The following RGS6 variants were observed in gnomAD, a reference collection of about 807,000 sequenced individuals.
RGS6 encodes the protein regulator of G-protein signaling 6.
In RGS6, 30 loss-of-function variants were observed where a neutral mutation model predicts 78.5. That is an observed-to-expected ratio of 0.38 (90% CI 0.29 to 0.52). The LOEUF (loss-of-function observed/expected upper bound fraction) is 0.52. Ranked by LOEUF, RGS6 falls within the 20% of genes least tolerant of loss-of-function variation. RGS6 has a pLI of 0.85. For missense variants in RGS6, 495 were observed against 609.7 expected (o/e 0.81, Z 1.98); for synonymous variants, 206 against 206.0 (o/e 1.00, Z 0.00).
At chr14:71,887,528 G>A in the RGS6 span, among the ~76,000 whole-genome samples, 1 of 152,112 alleles carries the variant, frequency 6.6e-6, no homozygotes, top group African/African-American at 2.4e-5. Context: ...TGCATTCCTG[G>A]GGGGAGGTCT....
At chr14:72,319,513 G>A (rs534005706) in intron 2 of RGS6, among the ~76,000 whole-genome samples, 30 of 152,008 alleles carry the variant, frequency 2.0e-4, no homozygotes, top group East Asian at 1.7e-3. Flanking sequence ...CACCATGCCC[G>A]GCTAATTTTT....
chr14:72,141,888 A>C (rs56407553), intron 2 of RGS6, among the ~76,000 whole-genome samples: 10,721 of 124,486 alleles, frequency 0.086, 450 homozygotes, highest in Non-Finnish European at 0.12. Context: ...TACACATTTT[A>C]CATTAAAAAA....
intron 2 of RGS6, among the ~76,000 whole-genome samples, chr14:72,124,195 T>A (rs1385600863): frequency 1.3e-5 from 2 of 152,202 alleles, no homozygotes; most frequent in African/African-American, 4.8e-5. Flanking sequence ...ACAGTCTCCT[T>A]TGCTTTATTA....
At chr14:72,077,595 T>C (rs1197264362) in intron 2 of RGS6, among the ~76,000 whole-genome samples, 1 of 152,246 alleles carries the variant, frequency 6.6e-6, no homozygotes, top group Non-Finnish European at 1.5e-5. Flanking sequence ...TGTTCTATTT[T>C]GAAGCCCTTT....
intron 3 of RGS6, among the ~76,000 whole-genome samples, chr14:72,401,942 A>T (rs2092446848): frequency 3.3e-5 from 5 of 152,178 alleles, no homozygotes; most frequent in Admixed American, 3.3e-4. Context: ...TAAAAAGAAG[A>T]TTTTAAAAGG....
At chr14:72,000,941 A>G (rs960246982) in intron 2 of RGS6, among the ~76,000 whole-genome samples, 1 of 152,238 alleles carries the variant, frequency 6.6e-6, no homozygotes, top group Non-Finnish European at 1.5e-5. Flanking sequence ...CCAGAAGACC[A>G]CAAAGAACTT....
chr14:72,193,467 C>G (rs1036143936), intron 2 of RGS6, among the ~76,000 whole-genome samples: 1 of 152,204 alleles, frequency 6.6e-6, no homozygotes, highest in Non-Finnish European at 1.5e-5. Flanking sequence ...TTCATTCATT[C>G]AACCCATATT....
At chr14:72,254,786 C>A (rs889393941) in intron 2 of RGS6, among the ~76,000 whole-genome samples, 1 of 152,166 alleles carries the variant, frequency 6.6e-6, no homozygotes, top group African/African-American at 2.4e-5. Flanking sequence ...TGCCAGAGAA[C>A]ATCCAGTCCC....
At chr14:71,953,969 GTTT>G (rs3053026) in intron 1 of RGS6, among the ~76,000 whole-genome samples, 3 of 76,078 alleles carry the variant, frequency 3.9e-5, no homozygotes, top group South Asian at 5.5e-4. Context: ...CTAAGTGGGC[GTTT>G]TTTTTTTTTT....
chr14:72,402,547 C>T (rs1182497612), intron 3 of RGS6, among the ~76,000 whole-genome samples: 2 of 151,978 alleles, frequency 1.3e-5, no homozygotes, highest in Non-Finnish European at 2.9e-5. Flanking sequence ...ATAAAAACCA[C>T]AGTGAGATAT....
intron 3 of RGS6, among the ~76,000 whole-genome samples, chr14:72,445,581 T>G (rs2095343913): frequency 6.6e-6 from 1 of 152,084 alleles, no homozygotes; most frequent in East Asian, 1.9e-4. Flanking sequence ...GGTACTAGAT[T>G]GTGATGATGT....
intron 2 of RGS6, among the ~76,000 whole-genome samples, chr14:72,307,181 G>C (rs1391120122): frequency 1.3e-5 from 2 of 152,188 alleles, no homozygotes; most frequent in African/African-American, 2.4e-5. Context: ...TAGCCATAAA[G>C]TATTTTAAAA....
At chr14:71,895,573 G>T in the RGS6 span, among the ~76,000 whole-genome samples, 1 of 152,212 alleles carries the variant, frequency 6.6e-6, no homozygotes, top group Non-Finnish European at 1.5e-5. Flanking sequence ...GCAACTCCCA[G>T]TGTTGATGAT....
chr14:72,409,737 C>G (rs59515962), intron 3 of RGS6, among the ~76,000 whole-genome samples: 1 of 152,016 alleles, frequency 6.6e-6, no homozygotes, highest in Non-Finnish European at 1.5e-5. Flanking sequence ...CAACAGTCCT[C>G]GGTGTGTGAT....
At position 72,063,865 on chromosome 14, in the gene RGS6, GT is replaced by G. The variant is rs372064175; in HGVS notation, c.84+98991del. The stretch of plus-strand genomic sequence containing the variant: ...AAATAGAATCAAGATCATCAGATGG[GT>G]GTGAGTAAGGGGTCATTTCTAGGAG... On this transcript the variant is annotated intron_variant, in intron 2 of 17. Transcript: ENST00000553525. Among the ~76,000 whole-genome samples, 17 of 152,192 alleles carry G rather than the reference GT, an allele frequency of 1.1e-4. No individual in the cohort carries two copies. In the East Asian group the frequency reaches 3.1e-3, roughly 28 times the overall value.
chr14:72,569,111 G>GGTGTGTGTGTGTGTGTGT (rs35508602), downstream of RGS6, among the ~76,000 whole-genome samples: 2 of 137,510 alleles, frequency 1.5e-5, no homozygotes, highest in African/African-American at 2.5e-5. Context: ...GATTCTCTGG[G>GGTGTGTGTGTGTGTGTGT]GTGTGTGTGT....
At chr14:71,956,330 AGTGTGT>A (rs113351320) in intron 1 of RGS6, among the ~76,000 whole-genome samples, 178 of 74,468 alleles carry the variant, frequency 2.4e-3, no homozygotes, top group African/African-American at 8.7e-3. Flanking sequence ...CAGAACTAAT[AGTGTGT>A]GTGTGTGTGT....
At chr14:71,990,075 C>G (rs552694486) in intron 2 of RGS6, among the ~76,000 whole-genome samples, 1 of 152,138 alleles carries the variant, frequency 6.6e-6, no homozygotes, top group Non-Finnish European at 1.5e-5. Flanking sequence ...GAAGTGAGTA[C>G]GTGTGAAGAG....
intron 2 of RGS6, among the ~76,000 whole-genome samples, chr14:71,976,056 T>A (rs552596766): frequency 6.6e-6 from 1 of 152,072 alleles, no homozygotes; most frequent in African/African-American, 2.4e-5. Context: ...TCTAAAATTT[T>A]CATTTAATTT....
Sources: allele counts gnomAD v4.1 joint callset (sites outside exome capture counted in the v4.1 genomes callset), GRCh38; gene constraint gnomAD v4.1.1; transcripts MANE v1.5; gene names NCBI Gene and HGNC (gene_info 2026-07-23, HGNC 2026-07-21).